The following GFI1B variants were observed in gnomAD, a reference collection of about 807,000 sequenced individuals.
The protein encoded by GFI1B is zinc finger protein Gfi-1b.
GFI1B carries 20 observed loss-of-function variants against 35.3 expected under a neutral mutation model. That is an observed-to-expected ratio of 0.57 (90% CI 0.40 to 0.82). GFI1B has a LOEUF of 0.82. Ranked by LOEUF, GFI1B falls within the 40% of genes least tolerant of loss-of-function variation. GFI1B has a pLI of 0.00. For missense variants in GFI1B, 430 were observed against 446.3 expected (o/e 0.96, Z 0.33); for synonymous variants, 178 against 177.6 (o/e 1.00, Z -0.02).
chr9:132,960,618 T>G (rs1472499646), intron 1 of GFI1B, among the ~76,000 whole-genome samples: 1 of 151,938 alleles, frequency 6.6e-6, no homozygotes, highest in Non-Finnish European at 1.5e-5. Context: ...CAACTCAGCC[T>G]CCCAAAGAGC....
chr9:132,981,466 C>G (rs1167478249), intron 1 of GFI1B, among the ~76,000 whole-genome samples: 1 of 151,952 alleles, frequency 6.6e-6, no homozygotes, highest in South Asian at 2.1e-4. Flanking sequence ...GGCAAAACCC[C>G]GTCTCTACAA....
chr9:132,990,192 T>G (rs139179893), intron 6 of GFI1B, among the ~76,000 whole-genome samples: 8 of 152,220 alleles, frequency 5.3e-5, no homozygotes, highest in Non-Finnish European at 1.2e-4. Context: ...CTCACTCACT[T>G]GCTCATTCAT....
intron 1 of GFI1B, chr9:132,946,448 C>T (rs2132572793): frequency 6.6e-6 from 1 of 152,298 alleles, no homozygotes; most frequent in African/African-American, 2.4e-5. Context: ...CAGCATCCAT[C>T]ACTTCCAGAA....
chr9:132,971,092 T>G (rs11243960), intron 1 of GFI1B, among the ~76,000 whole-genome samples: 12,441 of 152,256 alleles, frequency 0.082, 570 homozygotes, highest in Admixed American at 0.11. Flanking sequence ...CTTGAACTCC[T>G]GGGCTCAAGC....
intron 1 of GFI1B, among the ~76,000 whole-genome samples, chr9:132,969,431 G>A (rs1848500036): frequency 6.6e-6 from 1 of 152,124 alleles, no homozygotes; most frequent in African/African-American, 2.4e-5. Context: ...ACGTCCTCGG[G>A]GTTCATCCAG....
intron 1 of GFI1B, among the ~76,000 whole-genome samples, chr9:132,971,175 G>C (rs2905071): frequency 0.84 from 127,632 of 152,256 alleles, 53,729 homozygotes; most frequent in African/African-American, 0.89. Context: ...AGATGGACTT[G>C]TCAATCTTCT....
intron 1 of GFI1B, chr9:132,949,950 CAAAAA>C (rs1307247929): frequency 6.5e-6 from 1 of 153,062 alleles, no homozygotes; most frequent in Admixed American, 6.5e-5. Flanking sequence ...CCCATCTCTA[CAAAAA>C]ATAAAGATTA....
intron 1 of GFI1B, among the ~76,000 whole-genome samples, chr9:132,966,949 A>G (rs750210453): frequency 6.6e-6 from 1 of 152,254 alleles, no homozygotes; most frequent in Non-Finnish European, 1.5e-5. Flanking sequence ...ATGGGTTCCA[A>G]GACACAGAGT....
chr9:132,971,585 GGAAA>G (rs1387247304), intron 1 of GFI1B, among the ~76,000 whole-genome samples: 1 of 152,168 alleles, frequency 6.6e-6, no homozygotes, highest in African/African-American at 2.4e-5. Context: ...CATACAAGTG[GGAAA>G]GAGAGACAGG....
Position 132,988,193 on chromosome 9 carries a change from A to G in GFI1B, c.239-4A>G. The G allele has an allele frequency of 6.2e-7, 1 of 1,613,722 alleles. No homozygotes were observed. The highest frequency in any genetic ancestry group is 1.3e-5 in the African/African-American group (1 of 74,996). ...TAACCAGGCCTGTGTCGTTATCTCCACAGAGGGCCCCATTGTGCTGTCCCG... is the reference window on the plus strand; with the variant it reads ...TAACCAGGCCTGTGTCGTTATCTCCGCAGAGGGCCCCATTGTGCTGTCCCG... On this transcript the variant is annotated splice_region_variant and splice_polypyrimidine_tract_variant and intron_variant, in intron 3 of 6. Coordinates refer to ENST00000372122, the MANE Select transcript of GFI1B (RefSeq NM_001377304.1).
rs1564179098 is a variant in GFI1B at position 132,988,473 on chromosome 9, G to T, written c.510+5G>T. On this transcript the variant is annotated splice_donor_5th_base_variant and intron_variant, in intron 4 of 6. Transcript: ENST00000372122. ...CACTGTGTGAAGTGCAACAAGGTGGGCAGCGGGGGGTGTGGTGGGCACCTG... is the reference window on the plus strand; with the variant it reads ...CACTGTGTGAAGTGCAACAAGGTGGTCAGCGGGGGGTGTGGTGGGCACCTG... 1 of 1,612,578 alleles carries T rather than the reference G, an allele frequency of 6.2e-7. No individual in the cohort carries two copies. Among genetic ancestry groups the T allele is most frequent in the East Asian group, 2.2e-5 (1 of 44,886 alleles).
intron 1 of GFI1B, among the ~76,000 whole-genome samples, chr9:132,946,082 T>G (rs1848088835): frequency 1.3e-5 from 2 of 152,216 alleles, no homozygotes; most frequent in Admixed American, 1.3e-4. Context: ...TTGGCCCCTA[T>G]CCACCAGCCC....
At chr9:132,963,228 T>A (rs1848395484) in intron 1 of GFI1B, among the ~76,000 whole-genome samples, 1 of 151,888 alleles carries the variant, frequency 6.6e-6, no homozygotes, top group Non-Finnish European at 1.5e-5. Flanking sequence ...ATGCCTGTAA[T>A]CCCAGCACTT....
chr9:132,978,464 A>G (rs974491096), upstream of GFI1B: 1 of 152,214 alleles, frequency 6.6e-6, no homozygotes, highest in Non-Finnish European at 1.5e-5. Context: ...TTTTGTGCAG[A>G]TGTTATTCAA....
At chr9:132,968,301 T>A (rs1231077780) in intron 1 of GFI1B, among the ~76,000 whole-genome samples, 1 of 151,626 alleles carries the variant, frequency 6.6e-6, no homozygotes, top group Non-Finnish European at 1.5e-5. Context: ...ATTTTTTTTT[T>A]AGTAGAGACG....
chr9:132,988,133 A>G (rs1849143637), intron 3 of GFI1B, 64 bp from the exon 4 acceptor site: 1 of 1,496,268 alleles, frequency 6.7e-7, no homozygotes, highest in Admixed American at 1.7e-5. Flanking sequence ...GGCATGAGCC[A>G]CGCCACTGTG....
chr9:132,954,574 C>CAA lies in GFI1B; in HGVS notation c.-701+8919_-701+8920dup, dbSNP rs111946842. Reference sequence around the variant, plus strand: ...TGGATAGCAGAGTAAGACTCTGTCTCAAAAAAAAAAAAAAAGAAAAGAAAA... The same window carrying CAA: ...TGGATAGCAGAGTAAGACTCTGTCTCAAAAAAAAAAAAAAAAAGAAAAGAAAA... On this transcript the variant is annotated intron_variant, in intron 1 of 10. Coordinates refer to the GFI1B transcript ENST00000339463. Among the ~76,000 whole-genome samples, 364 of 107,712 alleles carry CAA rather than the reference C, an allele frequency of 3.4e-3. 4 individuals carry two copies. The highest frequency in any genetic ancestry group is 5.4e-3 in the African/African-American group (163 of 29,922). 70.7% of individuals were successfully genotyped at this position (107,712 alleles called of 152,430 possible). A position where few individuals can be genotyped will look rare whatever the true frequency, so the allele number is the denominator to read the frequency against.
chr9:132,984,409 T>C (rs1195508570), intron 1 of GFI1B, among the ~76,000 whole-genome samples: 1 of 152,136 alleles, frequency 6.6e-6, no homozygotes, highest in African/African-American at 2.4e-5. Context: ...GGCCCGAGCC[T>C]GTGTTCAGAG....
chr9:132,990,180 C>T (rs750417289), intron 6 of GFI1B, among the ~76,000 whole-genome samples: 1 of 152,200 alleles, frequency 6.6e-6, no homozygotes, highest in Non-Finnish European at 1.5e-5. Context: ...TTCACTCATT[C>T]ACTCACTCAC....
Sources: allele counts gnomAD v4.1 joint callset (sites outside exome capture counted in the v4.1 genomes callset), GRCh38; gene constraint gnomAD v4.1.1; transcripts MANE v1.5; gene names NCBI Gene and HGNC (gene_info 2026-07-23, HGNC 2026-07-21).